The following WDR5 variants were observed in gnomAD, a reference collection of about 807,000 sequenced individuals.
The protein encoded by WDR5 is WD repeat-containing protein 5.
For missense variants in WDR5, 187 were observed against 416.9 expected (o/e 0.45, Z 4.80); for synonymous variants, 144 against 161.6 (o/e 0.89, Z 0.83).
At chr9:134,138,769 G>C (rs1175561366) in intron 1 of WDR5, among the ~76,000 whole-genome samples, 1 of 152,194 alleles carries the variant, frequency 6.6e-6, no homozygotes, top group African/African-American at 2.4e-5. Context: ...TCGCGTTAGT[G>C]TTACAATCAG....
chr9:134,156,424 A>C, intron 12 of WDR5, 82 bp from the exon 13 acceptor site: 1 of 1,404,032 alleles, frequency 7.1e-7, no homozygotes, highest in Non-Finnish European at 1.0e-6. Context: ...GGCAGGGCAT[A>C]ACTGGAGATT....
At chr9:134,143,828 T>TAA (rs201310780) in intron 7 of WDR5, among the ~76,000 whole-genome samples, 1 of 146,688 alleles carries the variant, frequency 6.8e-6, no homozygotes, top group African/African-American at 2.5e-5. Context: ...ACTCTGTCTT[T>TAA]AAAAAAAAAA....
At position 134,142,733 on chromosome 9, in the gene WDR5, A is replaced by T. The variant is rs1564189890; in HGVS notation, c.528+14A>T. 4 of 1,613,818 alleles carry T rather than the reference A, an allele frequency of 2.5e-6. No homozygotes were observed. The highest frequency in any genetic ancestry group is 2.7e-5 in the African/African-American group (2 of 75,030). ...CCAGTCTCGGCCGTAAGTCCCTCTG[A>T]CACGGATGGGGTGGTGTCCAGCACT... On this transcript the variant is annotated intron_variant, in intron 7 of 13. Transcript: ENST00000358625.
intron 1 of WDR5, among the ~76,000 whole-genome samples, chr9:134,139,177 C>T (rs1023583994): frequency 2.0e-5 from 3 of 152,106 alleles, no homozygotes; most frequent in African/African-American, 7.2e-5. Flanking sequence ...GCAGAGCTGC[C>T]TCTGGCTTGC....
intron 7 of WDR5, among the ~76,000 whole-genome samples, chr9:134,143,351 G>A (rs915567471): frequency 1.3e-5 from 2 of 152,292 alleles, no homozygotes; most frequent in African/African-American, 4.8e-5. Flanking sequence ...GACCAGCCTG[G>A]CCAACATGGT....
At chr9:134,136,369 G>A (rs1831554235) in intron 1 of WDR5, among the ~76,000 whole-genome samples, 169 bp downstream of exon 1, 1 of 150,222 alleles carries the variant, frequency 6.7e-6, no homozygotes, top group Non-Finnish European at 1.5e-5. Flanking sequence ...CCCCCGCCCC[G>A]GCCCCTCGGT....
intron 8 of WDR5, among the ~76,000 whole-genome samples, chr9:134,150,796 C>T (rs1280079567): frequency 6.6e-6 from 1 of 152,140 alleles, no homozygotes; most frequent in Non-Finnish European, 1.5e-5. Flanking sequence ...GGCCTGGAAC[C>T]CCCTGCCCTG....
chr9:134,145,532 C>T (rs1436768389), intron 7 of WDR5, among the ~76,000 whole-genome samples: 1 of 152,234 alleles, frequency 6.6e-6, no homozygotes, highest in African/African-American at 2.4e-5. Context: ...AAAAGGAGTG[C>T]AGTGAGCATC....
At chr9:134,146,760 A>G (rs1260101289) in intron 7 of WDR5, among the ~76,000 whole-genome samples, 4 of 152,256 alleles carry the variant, frequency 2.6e-5, no homozygotes, top group Non-Finnish European at 5.9e-5. Context: ...TGTTACATCC[A>G]TCGTAATAGT....
chr9:134,158,614 C>G lies in WDR5; in HGVS notation c.*621C>G, dbSNP rs1832858279. ...CCGATAGCACGGTCATCGCACATGACTCTCCCGTTTGTCTCAGTGTCCCTG... is the reference window on the plus strand; with the variant it reads ...CCGATAGCACGGTCATCGCACATGAGTCTCCCGTTTGTCTCAGTGTCCCTG... On this transcript the variant is annotated 3_prime_UTR_variant, in exon 14 of 14. Coordinates refer to ENST00000358625, the MANE Select transcript of WDR5 (RefSeq NM_017588.3). 1 of 152,260 alleles carries G rather than the reference C, an allele frequency of 6.6e-6. No homozygotes were observed. Among genetic ancestry groups the G allele is most frequent in the Non-Finnish European group, 1.5e-5 (1 of 68,122 alleles). 9.4% of individuals were successfully genotyped at this position (152,260 alleles called of 1,614,324 possible).
chr9:134,156,170 C>T (rs538039988), intron 12 of WDR5, among the ~76,000 whole-genome samples: 5 of 152,338 alleles, frequency 3.3e-5, no homozygotes, highest in South Asian at 2.1e-4. Flanking sequence ...TGTCTTAGAC[C>T]GGGGTGACTC....
At chr9:134,154,327 G>A in intron 9 of WDR5, 139 bp from the exon 10 acceptor site, 2 of 851,220 alleles carry the variant, frequency 2.3e-6, no homozygotes, top group Non-Finnish European at 3.9e-6. Flanking sequence ...GGGGCGGCGA[G>A]GGGTGGTGGT....
At chr9:134,155,823 G>A in intron 12 of WDR5, 56 bp downstream of exon 12, 1 of 1,531,884 alleles carries the variant, frequency 6.5e-7, no homozygotes, top group East Asian at 2.3e-5. Flanking sequence ...CTCCCGAGAG[G>A]TCACACCTGT....
chr9:134,138,204 C>A (rs534019453), intron 1 of WDR5, among the ~76,000 whole-genome samples: 1 of 152,306 alleles, frequency 6.6e-6, no homozygotes, highest in East Asian at 1.9e-4. Context: ...AGGGTGTTTC[C>A]AGGCGTCTAG....
intron 8 of WDR5, among the ~76,000 whole-genome samples, chr9:134,149,112 A>G (rs1832363814): frequency 6.6e-6 from 1 of 152,152 alleles, no homozygotes; most frequent in South Asian, 2.1e-4. Context: ...CACACTCGAA[A>G]TCTGTTTCCC....
Position 134,140,795 on chromosome 9 carries a change from G to C in WDR5, c.174G>C (p.Glu58Asp). Reference sequence around the variant, plus strand: ...CCGTGAAATTCAGCCCGAATGGAGAGTGGCTGGCAAGTTCATGTACGTAGC... The same window carrying C: ...CCGTGAAATTCAGCCCGAATGGAGACTGGCTGGCAAGTTCATGTACGTAGC... ...VSSVKFSPNG[E>D]WLASSSADKL... The change falls in exon 3 of 14, where the codon GAG (glutamate) becomes GAC (aspartate). Residue 58 changes from glutamate to aspartate, a missense_variant. Coordinates refer to ENST00000358625, the MANE Select transcript of WDR5 (RefSeq NM_017588.3). 6.2e-7 allele frequency: 1 copy of C among 1,614,142 alleles called. No homozygotes were observed. The highest frequency in any genetic ancestry group is 8.5e-7 in the Non-Finnish European group (1 of 1,179,990).
intron 7 of WDR5, among the ~76,000 whole-genome samples, chr9:134,143,455 C>A (rs1011716080): frequency 2.6e-5 from 4 of 152,064 alleles, no homozygotes; most frequent in African/African-American, 7.2e-5. Flanking sequence ...GCCAGAGAAT[C>A]ACTTGAACCT....
chr9:134,153,015 A>C (rs1832571641), intron 9 of WDR5, among the ~76,000 whole-genome samples: 1 of 152,146 alleles, frequency 6.6e-6, no homozygotes, highest in South Asian at 2.1e-4. Context: ...CTCGCCTCTG[A>C]GGCTCTGGAG....
rs779713439 is a variant in WDR5, at chr9:134,146,059, G to C, written c.529-2229G>C. ...AGCTCACTGCAAGCTCCACCTCCCGGGTTCACGCCATTCTCCTGCCTCAGC... is the reference window on the plus strand; with the variant it reads ...AGCTCACTGCAAGCTCCACCTCCCGCGTTCACGCCATTCTCCTGCCTCAGC... On this transcript the variant is annotated intron_variant, in intron 7 of 13. Coordinates refer to ENST00000358625, the MANE Select transcript of WDR5 (RefSeq NM_017588.3). Among the ~76,000 whole-genome samples the C allele has an allele frequency of 1.2e-3, 177 of 151,782 alleles. 1 individual carries two copies. Among genetic ancestry groups the C allele is most frequent in the Admixed American group, 2.1e-3 (32 of 15,240 alleles).
Sources: allele counts gnomAD v4.1 joint callset (sites outside exome capture counted in the v4.1 genomes callset), GRCh38; gene constraint gnomAD v4.1.1; transcripts MANE v1.5; gene names NCBI Gene and HGNC (gene_info 2026-07-23, HGNC 2026-07-21).